Variants in DUSP13B observed in about 807,000 individuals in gnomAD.
DUSP13B encodes the protein dual specificity protein phosphatase 13B.
At chr10:75,095,408 C>CCCTAA in the DUSP13B span, among the ~76,000 whole-genome samples, 2 of 152,186 alleles carry the variant, frequency 1.3e-5, no homozygotes, top group Admixed American at 1.3e-4. Context: ...TCCAGGGTGT[C>CCCTAA]CCTGAAGGGG....
the DUSP13B span, chr10:75,094,899 G>C: frequency 6.2e-7 from 1 of 1,610,916 alleles, no homozygotes; most frequent in Admixed American, 1.7e-5. Flanking sequence ...AACCAACTTA[G>C]CATCAGCTAC....
the DUSP13B span, among the ~76,000 whole-genome samples, chr10:75,108,602 G>T: frequency 6.6e-6 from 1 of 152,104 alleles, no homozygotes; most frequent in Non-Finnish European, 1.5e-5. Context: ...ATGTTTAGAG[G>T]CAACACCTTC....
chr10:75,099,072 G>GGGCCT, the DUSP13B span: 1 of 1,232,406 alleles, frequency 8.1e-7, no homozygotes, highest in Non-Finnish European at 1.0e-6. Context: ...GCCCCACCCG[G>GGGCCT]GTCAGGTAGC....
the DUSP13B span, chr10:75,098,908 A>C: frequency 7.2e-5 from 83 of 1,147,954 alleles, no homozygotes; most frequent in Non-Finnish European, 8.1e-5. Context: ...GTCCATCCCC[A>C]AGCCTTTCAG....
chr10:75,101,425 G>T, the DUSP13B span, among the ~76,000 whole-genome samples: 309 of 152,308 alleles, frequency 2.0e-3, 2 homozygotes, highest in African/African-American at 5.9e-3. Flanking sequence ...TTCCCTACGG[G>T]ACAGTGAGAT....
the DUSP13B span, chr10:75,095,814 G>C: frequency 1.2e-6 from 2 of 1,611,816 alleles, no homozygotes. Context: ...GAGGGCACAA[G>C]GGGTTAGGAG....
At chr10:75,101,790 C>G in the DUSP13B span, 2 of 1,019,830 alleles carry the variant, frequency 2.0e-6, no homozygotes, top group Non-Finnish European at 2.8e-6. Context: ...CACACAGGCA[C>G]AAGTGTCCTG....
chr10:75,101,914 C>G, the DUSP13B span: 6 of 1,367,690 alleles, frequency 4.4e-6, no homozygotes, highest in Non-Finnish European at 4.9e-6. Flanking sequence ...ACGGGCAGTT[C>G]GTGCTGCTGG....
the DUSP13B span, chr10:75,097,792 C>T: frequency 1.2e-6 from 2 of 1,613,934 alleles, no homozygotes; most frequent in South Asian, 2.2e-5. Flanking sequence ...GCAAGCGCTG[C>T]AGCGAAGCCA....
chr10:75,100,380 G>C, the DUSP13B span, among the ~76,000 whole-genome samples: 1 of 152,118 alleles, frequency 6.6e-6, no homozygotes, highest in South Asian at 2.1e-4. Flanking sequence ...TAACCCACTG[G>C]GACCCAGCCC....
chr10:75,103,893 C>T, the DUSP13B span: 7 of 1,307,292 alleles, frequency 5.4e-6, no homozygotes, highest in Non-Finnish European at 7.1e-6. Flanking sequence ...CCCACTCCCA[C>T]CTGTGGAGAC....
At chr10:75,096,229 T>C in the DUSP13B span, among the ~76,000 whole-genome samples, 1 of 152,024 alleles carries the variant, frequency 6.6e-6, no homozygotes, top group Non-Finnish European at 1.5e-5. Context: ...CACTCTAGCC[T>C]GGGCAACAGA....
chr10:75,109,166 C>T, the DUSP13B span: 1 of 1,567,842 alleles, frequency 6.4e-7, no homozygotes, highest in East Asian at 2.4e-5. Context: ...ATGGGCCAGC[C>T]CGCCCACCCC....
chr10:75,099,455 G>A, the DUSP13B span: 1 of 1,232,556 alleles, frequency 8.1e-7, no homozygotes, highest in South Asian at 4.1e-5. Context: ...GGCCGGGAAT[G>A]GGGGAGTGGG....
At chr10:75,094,966 C>T in the DUSP13B span, 1 of 1,180,232 alleles carries the variant, frequency 8.5e-7, no homozygotes, top group Admixed American at 2.1e-5. Flanking sequence ...CCATCCTCTA[C>T]AGTATCCTGG....
At chr10:75,103,245 G>A in the DUSP13B span, among the ~76,000 whole-genome samples, 1 of 152,338 alleles carries the variant, frequency 6.6e-6, no homozygotes, top group South Asian at 2.1e-4. Context: ...CCAACAGCAG[G>A]ACCCAGGTCC....
the DUSP13B span, chr10:75,109,009 G>A: frequency 2.5e-5 from 40 of 1,600,434 alleles, no homozygotes; most frequent in South Asian, 3.4e-5. Flanking sequence ...TACCACTCAC[G>A]CATCTCCTAT....
chr10:75,099,474 C>T, the DUSP13B span: 21 of 1,232,252 alleles, frequency 1.7e-5, no homozygotes, highest in African/African-American at 1.2e-4. Context: ...GGTGCAGGGG[C>T]AGGACTCTGC....
chr10:75,097,592 C>T, the DUSP13B span: 49 of 890,532 alleles, frequency 5.5e-5, no homozygotes, highest in Admixed American at 8.3e-4. Context: ...GGGAAAGAGA[C>T]GGTGGGAGGC....
Sources: gnomAD v4.1 joint callset for allele counts (sites outside exome capture counted in the v4.1 genomes callset) on GRCh38, gnomAD v4.1.1 for gene constraint, MANE v1.5 for transcripts, NCBI Gene and HGNC (gene_info 2026-07-23, HGNC 2026-07-21) for gene names.